Variants in TMEFF2 observed in about 807,000 individuals in gnomAD.
The protein encoded by TMEFF2 is transmembrane protein with EGF like and two follistatin like domains 2, also known as tomoregulin-2.
In TMEFF2, 28 loss-of-function variants were observed where a neutral mutation model predicts 53.8. That is an observed-to-expected ratio of 0.52 (90% CI 0.39 to 0.71). The LOEUF (loss-of-function observed/expected upper bound fraction) is 0.71. Ranked by LOEUF, TMEFF2 falls within the 30% of genes least tolerant of loss-of-function variation. TMEFF2 has a pLI of 0.00. For missense variants in TMEFF2, 353 were observed against 455.2 expected, an observed-to-expected ratio of 0.78 and a Z score of 2.04; for synonymous variants, 162 against 166.3, an observed-to-expected ratio of 0.97 and a Z score of 0.20.
chr2:191,979,842 C>CTCTATCTATCTATCTA (rs945433067), intron 7 of TMEFF2, among the ~76,000 whole-genome samples: 83 of 147,344 alleles, frequency 5.6e-4, no homozygotes, highest in African/African-American at 1.8e-3. Context: ...CTATATATAT[C>CTCTATCTATCTATCTA]TCTATCTATC....
intron 4 of TMEFF2, among the ~76,000 whole-genome samples, chr2:192,169,104 T>C (rs1184191762): frequency 1.3e-5 from 2 of 152,116 alleles, no homozygotes; most frequent in Non-Finnish European, 2.9e-5. Context: ...CAGGCTTTCT[T>C]TTCTAATATA....
At chr2:191,979,801 T>C (rs1685811787) in intron 7 of TMEFF2, among the ~76,000 whole-genome samples, 3 of 151,770 alleles carry the variant, frequency 2.0e-5, no homozygotes, top group Non-Finnish European at 4.4e-5. Context: ...TTGTCAGGAG[T>C]GAAAATTTTT....
chr2:191,986,852 C>T (rs1347371976), intron 7 of TMEFF2, among the ~76,000 whole-genome samples: 6 of 130,792 alleles, frequency 4.6e-5, no homozygotes, highest in East Asian at 2.1e-4. Flanking sequence ...AGTGAGACTC[C>T]GTCTCAGAAA....
chr2:192,132,042 A>AC (rs962863552), intron 4 of TMEFF2, among the ~76,000 whole-genome samples: 2 of 151,808 alleles, frequency 1.3e-5, no homozygotes, highest in Non-Finnish European at 2.9e-5. Flanking sequence ...CTCAGTCCCA[A>AC]CCCCAAGCGT....
chr2:192,136,886 G>A (rs1418913265), intron 4 of TMEFF2, among the ~76,000 whole-genome samples: 1 of 152,150 alleles, frequency 6.6e-6, no homozygotes, highest in Non-Finnish European at 1.5e-5. Context: ...ATAACACATG[G>A]TTGTGTTAAA....
chr2:192,137,139 C>A (rs1438994604), intron 4 of TMEFF2, among the ~76,000 whole-genome samples: 1 of 152,160 alleles, frequency 6.6e-6, no homozygotes, highest in Non-Finnish European at 1.5e-5. Flanking sequence ...TGTAATCAGG[C>A]ACATCAAGCA....
chr2:191,957,623 A>T (rs113791055), intron 7 of TMEFF2, among the ~76,000 whole-genome samples: 2,305 of 152,332 alleles, frequency 0.015, 60 homozygotes, highest in African/African-American at 0.051. Flanking sequence ...TCCAGATGCC[A>T]TCTGCAAAAC....
chr2:192,134,475 C>T (rs1030119960), intron 4 of TMEFF2, among the ~76,000 whole-genome samples: 6 of 152,228 alleles, frequency 3.9e-5, no homozygotes, highest in African/African-American at 1.4e-4. Flanking sequence ...TAGCCCGCCT[C>T]TTAGAACCTC....
At chr2:192,036,065 T>C (rs1687285161) in intron 5 of TMEFF2, 2 of 152,244 alleles carry the variant, frequency 1.3e-5, no homozygotes, top group South Asian at 2.1e-4. Flanking sequence ...AAGAGGATAC[T>C]GCTCTCTATT....
intron 5 of TMEFF2, among the ~76,000 whole-genome samples, chr2:192,042,095 G>A: frequency 6.6e-6 from 1 of 152,040 alleles, no homozygotes; most frequent in Non-Finnish European, 1.5e-5. Flanking sequence ...CAGCTACTTG[G>A]GAGGCTGAGG....
rs142832781 is a variant in TMEFF2, at chr2:192,173,300, A to G, written c.439+6368T>C. Among the ~76,000 whole-genome samples, 403 of 151,986 alleles carry G rather than the reference A, an allele frequency of 2.7e-3. 3 individuals are homozygous for G. Among genetic ancestry groups the G allele is most frequent in the African/African-American group, 8.8e-3 (365 of 41,502 alleles). ...GTGTTCATAAAAATTAAAAACTAAA[A>G]TAAATGCTATAATAGTGCTTTCTAT... On this transcript the variant is annotated intron_variant, in intron 4 of 9. Coordinates refer to ENST00000272771, the MANE Select transcript of TMEFF2 (RefSeq NM_016192.4).
chr2:192,017,005 G>A (rs1016985001), intron 5 of TMEFF2, among the ~76,000 whole-genome samples: 1 of 152,208 alleles, frequency 6.6e-6, no homozygotes, highest in Non-Finnish European at 1.5e-5. Context: ...CTGAGCTTGG[G>A]GTGTGGTGGA....
chr2:192,110,985 C>A (rs148794513), intron 4 of TMEFF2, among the ~76,000 whole-genome samples: 15 of 152,208 alleles, frequency 9.9e-5, no homozygotes, highest in Non-Finnish European at 2.1e-4. Flanking sequence ...GTAAGACATG[C>A]CTTTTGCCAT....
chr2:192,148,731 G>A (rs1228608453), intron 4 of TMEFF2, among the ~76,000 whole-genome samples: 3 of 152,002 alleles, frequency 2.0e-5, no homozygotes, highest in Non-Finnish European at 4.4e-5. Flanking sequence ...CAGCAGGAGA[G>A]TGCAGGTTAC....
intron 7 of TMEFF2, among the ~76,000 whole-genome samples, chr2:191,964,396 TTCTCTTTCTTTC>T (rs1559063742): frequency 1.7e-5 from 1 of 58,366 alleles, no homozygotes; most frequent in South Asian, 7.7e-4. Context: ...CTTTCTTTCT[TTCTCTTTCTTTC>T]TTTCTTTCTT....
At chr2:192,099,589 A>C (rs1414352227) in intron 4 of TMEFF2, among the ~76,000 whole-genome samples, 1 of 152,202 alleles carries the variant, frequency 6.6e-6, no homozygotes, top group East Asian at 1.9e-4. Flanking sequence ...TAAATTGTCC[A>C]GGTTATTTGG....
intron 5 of TMEFF2, among the ~76,000 whole-genome samples, chr2:192,008,313 T>A (rs1473904998): frequency 1.3e-5 from 2 of 152,196 alleles, no homozygotes; most frequent in Admixed American, 6.5e-5. Context: ...CCCACGTCCC[T>A]CTTCAGTGCA....
chr2:192,127,330 AAT>A (rs1689700843), intron 4 of TMEFF2, among the ~76,000 whole-genome samples: 1 of 152,218 alleles, frequency 6.6e-6, no homozygotes, highest in Admixed American at 6.6e-5. Flanking sequence ...GGGCTCATTA[AAT>A]ATCACAGGCC....
chr2:191,962,101 A>C (rs1463309731), intron 7 of TMEFF2, among the ~76,000 whole-genome samples: 1 of 152,222 alleles, frequency 6.6e-6, no homozygotes, highest in Non-Finnish European at 1.5e-5. Flanking sequence ...GACTTAGAAA[A>C]TAACACTTCA....
Sources: allele counts gnomAD v4.1 joint callset (sites outside exome capture counted in the v4.1 genomes callset), GRCh38; gene constraint gnomAD v4.1.1; transcripts MANE v1.5; gene names NCBI Gene and HGNC (gene_info 2026-07-23, HGNC 2026-07-21).